CENPE: variants seen among roughly 807,000 people sequenced by gnomAD.
CENPE encodes centromere-associated protein E.
Under a neutral mutation model 336.1 loss-of-function variants are expected in CENPE, and 145 were observed. The ratio of observed to expected loss-of-function variants is 0.43; its 90% CI spans 0.38 to 0.50. The LOEUF (loss-of-function observed/expected upper bound fraction) is 0.50. Ranked by LOEUF, CENPE falls within the 20% of genes least tolerant of loss-of-function variation. CENPE has a pLI of 0.00. For synonymous variants in CENPE, 1,013 were observed against 984.8 expected (o/e 1.03, Z -0.54); for missense variants, 2,719 against 3,023.3 (o/e 0.90, Z 2.36).
At chr4:103,169,092 A>T (rs1755169856) in intron 16 of CENPE, among the ~76,000 whole-genome samples, 2 of 152,224 alleles carry the variant, frequency 1.3e-5, no homozygotes, top group South Asian at 4.1e-4. Flanking sequence ...TTTATCAAGG[A>T]GACTGAAATA....
At position 103,141,044 on chromosome 4, in the gene CENPE, T is replaced by C. The variant is rs760848979; in HGVS notation, c.5524A>G (p.Thr1842Ala). 2.5e-6 allele frequency: 4 copies of C among 1,596,932 alleles called. No homozygotes were observed. Among genetic ancestry groups the C allele is most frequent in the Middle Eastern group, 1.9e-4 (1 of 5,360 alleles). ...LITLKKDVNETQKKVSEMEQL... is the reference protein window; with the variant it reads ...LITLKKDVNEAQKKVSEMEQL... ...TCCATTTCAGACACTTTTTTCTGTG[T>C]CTCATTGACATCTTTTTTTAACGTA... Residue 1842 changes from threonine to alanine, a missense_variant, in exon 36 of 49, where the codon ACA (threonine) becomes GCA (alanine). Thr to Ala is a moderately conservative substitution (Grantham distance 58, BLOSUM62 0). This residue lies in a region of CENPE where 2,437 missense variants were observed against 2,513.3 expected (regional missense o/e 0.97). Coordinates refer to ENST00000265148, the MANE Select transcript of CENPE (RefSeq NM_001813.3).
At chr4:103,112,593 T>C (rs375087879) in intron 46 of CENPE, among the ~76,000 whole-genome samples, 1 of 135,016 alleles carries the variant, frequency 7.4e-6, no homozygotes, top group East Asian at 2.1e-4. Context: ...TATACATACT[T>C]ATAAGTATAT....
intron 8 of CENPE, among the ~76,000 whole-genome samples, chr4:103,193,374 G>C (rs1376593301): frequency 6.6e-6 from 1 of 152,022 alleles, no homozygotes; most frequent in Non-Finnish European, 1.5e-5. Flanking sequence ...AATTAGGATT[G>C]AATATTAAGT....
chr4:103,156,550 C>G (rs991858368), intron 24 of CENPE, among the ~76,000 whole-genome samples: 4 of 152,102 alleles, frequency 2.6e-5, no homozygotes, highest in African/African-American at 9.7e-5. Context: ...AAGTTGTACC[C>G]TGACCTTACA....
chr4:103,136,727 G>C (rs1370950338), intron 39 of CENPE, among the ~76,000 whole-genome samples: 1 of 152,152 alleles, frequency 6.6e-6, no homozygotes, highest in South Asian at 2.1e-4. Context: ...GTTCATGGTT[G>C]AGTGCTGGTT....
chr4:103,169,005 T>A (rs775066109), intron 16 of CENPE, among the ~76,000 whole-genome samples: 25 of 152,278 alleles, frequency 1.6e-4, no homozygotes, highest in Non-Finnish European at 3.2e-4. Flanking sequence ...AGATGTATTA[T>A]CTGCCAAAGA....
chr4:103,122,504 G>T (rs1436075981), intron 43 of CENPE, among the ~76,000 whole-genome samples: 2 of 152,120 alleles, frequency 1.3e-5, no homozygotes, highest in Non-Finnish European at 2.9e-5. Context: ...AAGCTGAATT[G>T]CTATTTCTCT....
chr4:103,185,121 A>G (rs972494260), intron 9 of CENPE, among the ~76,000 whole-genome samples: 7 of 152,090 alleles, frequency 4.6e-5, no homozygotes, highest in African/African-American at 1.7e-4. Flanking sequence ...CCTGACCAAC[A>G]TGGCGAAACT....
At chr4:103,153,633 A>C (rs1753738039) in intron 24 of CENPE, among the ~76,000 whole-genome samples, 1 of 152,212 alleles carries the variant, frequency 6.6e-6, no homozygotes, top group Non-Finnish European at 1.5e-5. Flanking sequence ...TATTTCAATG[A>C]CATTAATACA....
In CENPE at chr4:103,174,801, A is replaced by T. The variant is rs1578660438; in HGVS notation, c.1582T>A (p.Leu528Ile). ...TCATCCAAATCATTCTTTTCTTTTA[A>T]TTTCAATTCCATTTCTTCTTTTTCT... ...RTEKEEMELKLKEKNDLDEFE... is the reference protein window; with the variant it reads ...RTEKEEMELKIKEKNDLDEFE... Residue 528 changes from leucine (L) to isoleucine (I), a missense_variant, in exon 16 of 49, where the codon TTA (leucine) becomes ATA (isoleucine). Physicochemically the swap from Leu to Ile is conservative, Grantham distance 5. This residue lies in a region of CENPE where 2,437 missense variants were observed against 2,513.3 expected (regional missense o/e 0.97). Coordinates refer to ENST00000265148, the MANE Select transcript of CENPE (RefSeq NM_001813.3). 6.4e-7 allele frequency: 1 copy of T among 1,552,074 alleles called. No individual in the cohort carries two copies. The highest frequency in any genetic ancestry group is 2.4e-5 in the East Asian group (1 of 41,982).
At position 103,132,960 on chromosome 4, in the gene CENPE, T is replaced by TTATATATAATATATA. The variant is rs747843126; in HGVS notation, c.6721-65_6721-64insTATATATTATATATA. 186 of 148,208 alleles carry TTATATATAATATATA rather than the reference T, an allele frequency of 1.3e-3. 5 individuals are homozygous for TTATATATAATATATA. The highest frequency in any genetic ancestry group is 6.3e-3 in the African/African-American group (174 of 27,772). The allele number at this position is 148,208 out of a possible 1,614,324, so 9.2% of individuals were successfully genotyped here. On this transcript the variant is annotated intron_variant, in intron 41 of 48. Coordinates refer to ENST00000265148, the MANE Select transcript of CENPE (RefSeq NM_001813.3). Reference sequence around the variant, plus strand: ...GAAAGTTTTGATCCAAATATTTTATTTATATATATATATATATATATATAA... The same window carrying TTATATATAATATATA: ...GAAAGTTTTGATCCAAATATTTTATTTATATATAATATATATATATATATATATATATATATATAA...
Position 103,198,326 on chromosome 4 carries a change from A to C in CENPE, c.-7T>G. The C allele has an allele frequency of 6.4e-7, 1 of 1,551,248 alleles. No individual in the cohort carries two copies. The highest frequency in any genetic ancestry group is 8.7e-7 in the Non-Finnish European group (1 of 1,146,856). On this transcript the variant is annotated 5_prime_UTR_variant, in exon 1 of 49. Coordinates refer to ENST00000265148, the MANE Select transcript of CENPE (RefSeq NM_001813.3). ...CGGCTCCTTCCTCCGCCATCCTATCAGGCTGAACTGGTCCCAGGAAAATGG... is the reference window on the plus strand; with the variant it reads ...CGGCTCCTTCCTCCGCCATCCTATCCGGCTGAACTGGTCCCAGGAAAATGG...
chr4:103,171,760 A>G (rs1488995661), intron 16 of CENPE, among the ~76,000 whole-genome samples: 1 of 151,800 alleles, frequency 6.6e-6, no homozygotes, highest in Admixed American at 6.6e-5. Context: ...TAGACTAGGT[A>G]AAAAAGACAG....
Position 103,146,018 on chromosome 4 carries a change from T to C in CENPE, c.4224A>G (p.Gln1408=). 1.9e-6 allele frequency: 3 copies of C among 1,613,984 alleles called. No homozygotes were observed. Residue 1408 remains glutamine, a synonymous_variant, in exon 30 of 49, where the codon CAA becomes CAG. Transcript: ENST00000265148. ...ETTKIVSEME[Q]FKPKDSALLR... is the part of the protein sequence containing the mutation. ...GTAGTGCTGAATCTTTGGGTTTGAA[T>C]TGCTCCATCTCACTCACGATTTTGG... is the stretch of plus-strand genomic sequence containing the variant.
chr4:103,194,440 C>G lies in CENPE; in HGVS notation c.561G>C (p.Lys187Asn), dbSNP rs1757589750. The change falls in exon 7 of 49, where the codon AAG becomes AAC. Residue 187 changes from lysine (K) to asparagine (N), a missense_variant and splice_region_variant. Coordinates refer to ENST00000265148, the MANE Select transcript of CENPE (RefSeq NM_001813.3). ...MALKWITKGEKSRHYGETKMN... is the reference protein window; with the variant it reads ...MALKWITKGENSRHYGETKMN... ...TTTTTGTTTCTCCATAATGCCTGCTCTCTGTAAAAATGAGTTATATTTCAG... is the reference window on the plus strand; with the variant it reads ...TTTTTGTTTCTCCATAATGCCTGCTGTCTGTAAAAATGAGTTATATTTCAG... The G allele has an allele frequency of 1.2e-6, 2 of 1,604,116 alleles. No homozygotes were observed. The highest frequency in any genetic ancestry group is 1.7e-6 in the Non-Finnish European group (2 of 1,174,288).
intron 13 of CENPE, among the ~76,000 whole-genome samples, chr4:103,178,944 C>T (rs908262391): frequency 2.0e-5 from 3 of 152,142 alleles, no homozygotes; most frequent in Non-Finnish European, 4.4e-5. Flanking sequence ...ATATTTATAT[C>T]TCAAATCTTC....
chr4:103,151,610 A>G (rs1310199602), intron 25 of CENPE, among the ~76,000 whole-genome samples: 1 of 152,194 alleles, frequency 6.6e-6, no homozygotes, highest in Non-Finnish European at 1.5e-5. Flanking sequence ...GAGAATTAGA[A>G]TTGCATTTAA....
At chr4:103,106,869 TA>T (rs965188272) in intron 48 of CENPE, among the ~76,000 whole-genome samples, 4 of 152,318 alleles carry the variant, frequency 2.6e-5, no homozygotes, top group African/African-American at 7.2e-5. Context: ...AACTCACATT[TA>T]TTTTTTTAAA....
At chr4:103,198,183 A>C in intron 1 of CENPE, 81 bp downstream of exon 1, 1 of 1,380,514 alleles carries the variant, frequency 7.2e-7, no homozygotes, top group Admixed American at 2.1e-5. Flanking sequence ...CGGCTCCTGG[A>C]AACATCGTAG....
Sources: gnomAD v4.1 joint callset for allele counts (sites outside exome capture counted in the v4.1 genomes callset) on GRCh38, gnomAD v4.1.1 for gene constraint, gnomAD v4.1.1 regional missense constraint, MANE v1.5 for transcripts, NCBI Gene and HGNC (gene_info 2026-07-23, HGNC 2026-07-21) for gene names.